PDE11A: variants seen among roughly 807,000 people sequenced by gnomAD.
PDE11A encodes phosphodiesterase 11A.
In PDE11A, 100 loss-of-function variants were observed where a neutral mutation model predicts 100.5. The observed-to-expected ratio is 1.00, with a 90% CI of 0.85 to 1.18. The LOEUF is 1.18. Ranked by LOEUF, PDE11A falls within the 50% of genes most tolerant of loss-of-function variation. The pLI is 0.00. For missense variants in PDE11A, 1,141 were observed against 1,152.6 expected, an observed-to-expected ratio of 0.99 and a Z score of 0.15; for synonymous variants, 381 against 420.8, an observed-to-expected ratio of 0.91 and a Z score of 1.16.
chr2:177,732,665 T>G (rs2081710344), intron 10 of PDE11A, among the ~76,000 whole-genome samples: 16 of 152,228 alleles, frequency 1.1e-4, no homozygotes, highest in Admixed American at 1.0e-3. Context: ...TTTTTCATTA[T>G]GAAGTGTTAA....
chr2:177,997,505 T>C (rs2086090575), intron 2 of PDE11A: 3 of 807,084 alleles, frequency 3.7e-6, no homozygotes, highest in Non-Finnish European at 4.5e-6. Flanking sequence ...AACATTGATA[T>C]TGTTTGTTGC....
intron 2 of PDE11A, among the ~76,000 whole-genome samples, chr2:177,928,039 G>A (rs1172032049): frequency 1.3e-5 from 2 of 150,146 alleles, no homozygotes; most frequent in African/African-American, 4.9e-5. Context: ...GGGAAGTGGA[G>A]GTTGTGGTGA....
intron 10 of PDE11A, among the ~76,000 whole-genome samples, chr2:177,754,870 T>A (rs2082070242): frequency 6.6e-6 from 1 of 152,246 alleles, no homozygotes; most frequent in Non-Finnish European, 1.5e-5. Context: ...CTAATTGAAT[T>A]CTAATGAGGC....
chr2:178,044,401 A>ATATATATATAAACTTTATATATATGTT (rs1559052622), intron 1 of PDE11A, among the ~76,000 whole-genome samples: 4 of 147,228 alleles, frequency 2.7e-5, no homozygotes, highest in Non-Finnish European at 4.5e-5. Context: ...TTATATGTTT[A>ATATATATATAAACTTTATATATATGTT]TATATATATA....
intron 15 of PDE11A, among the ~76,000 whole-genome samples, chr2:177,683,028 G>T (rs947749865): frequency 6.6e-6 from 1 of 152,160 alleles, no homozygotes; most frequent in East Asian, 1.9e-4. Flanking sequence ...CTGTACTGGG[G>T]GACAAAGGAC....
chr2:177,686,079 G>A (rs767701909), intron 15 of PDE11A, among the ~76,000 whole-genome samples: 1 of 152,188 alleles, frequency 6.6e-6, no homozygotes, highest in Non-Finnish European at 1.5e-5. Context: ...AGTGAGAGGA[G>A]CCTTTTCATT....
chr2:177,679,915 G>A (rs140127937), intron 16 of PDE11A, among the ~76,000 whole-genome samples: 87 of 152,174 alleles, frequency 5.7e-4, no homozygotes, highest in African/African-American at 1.9e-3. Context: ...AAAAAGGCCT[G>A]TAAAGATAAT....
intron 19 of PDE11A, among the ~76,000 whole-genome samples, chr2:177,661,014 T>C (rs1214192930): frequency 6.6e-6 from 1 of 152,126 alleles, no homozygotes; most frequent in Non-Finnish European, 1.5e-5. Flanking sequence ...CCACCCTCTG[T>C]AGACTCCAAC....
chr2:177,997,776 A>G (rs915308198), intron 2 of PDE11A: 1 of 1,346,016 alleles, frequency 7.4e-7, no homozygotes, highest in East Asian at 2.3e-5. Context: ...GTTCTTCATC[A>G]CCAGCATTCC....
chr2:177,929,058 G>A (rs1289562658), intron 2 of PDE11A, among the ~76,000 whole-genome samples: 1 of 152,148 alleles, frequency 6.6e-6, no homozygotes, highest in Non-Finnish European at 1.5e-5. Context: ...GGAGTTTGCA[G>A]GGGAACTTGA....
intron 2 of PDE11A, among the ~76,000 whole-genome samples, chr2:177,944,692 G>A (rs2085382588): frequency 6.6e-6 from 1 of 152,172 alleles, no homozygotes; most frequent in South Asian, 2.1e-4. Flanking sequence ...CAGGTACCTC[G>A]GCTTCCTCCC....
intron 5 of PDE11A, among the ~76,000 whole-genome samples, chr2:177,848,478 T>G (rs939970762): frequency 1.3e-5 from 2 of 152,192 alleles, no homozygotes; most frequent in African/African-American, 4.8e-5. Flanking sequence ...CTTGTTATTT[T>G]GCTAGAAAAA....
chr2:177,752,996 T>A (rs2082044186), intron 10 of PDE11A, among the ~76,000 whole-genome samples: 1 of 152,194 alleles, frequency 6.6e-6, no homozygotes, highest in Admixed American at 6.5e-5. Context: ...TTCCCTCCAT[T>A]TTGCTGCTCT....
chr2:177,869,892 T>C (rs940117209), intron 5 of PDE11A, among the ~76,000 whole-genome samples: 2 of 152,252 alleles, frequency 1.3e-5, no homozygotes, highest in Non-Finnish European at 2.9e-5. Context: ...CAGCATTTCC[T>C]ATTTGACTAA....
At chr2:177,662,690 A>G (rs1330589049) in intron 19 of PDE11A, among the ~76,000 whole-genome samples, 3 of 152,256 alleles carry the variant, frequency 2.0e-5, no homozygotes, top group African/African-American at 7.2e-5. Context: ...TGTTCCTTTT[A>G]TAACTAAAAT....
chr2:177,858,486 C>T (rs1258190039), intron 5 of PDE11A, among the ~76,000 whole-genome samples: 2 of 151,254 alleles, frequency 1.3e-5, no homozygotes, highest in Non-Finnish European at 2.9e-5. Context: ...CCAACAGACA[C>T]ATGAAAAAAT....
chr2:178,037,917 T>A (rs886136601), intron 1 of PDE11A, among the ~76,000 whole-genome samples: 4 of 151,762 alleles, frequency 2.6e-5, no homozygotes, highest in Admixed American at 1.3e-4. Context: ...AAATATCTAA[T>A]GCATGGGGGG....
chr2:177,732,994 C>T (rs2081716189), intron 10 of PDE11A, among the ~76,000 whole-genome samples: 1 of 152,196 alleles, frequency 6.6e-6, no homozygotes, highest in African/African-American at 2.4e-5. Context: ...GTATCCTGAG[C>T]AGACAAGCAT....
chr2:178,041,533 C>A (rs1156713742), intron 1 of PDE11A, among the ~76,000 whole-genome samples: 2 of 152,116 alleles, frequency 1.3e-5, no homozygotes, highest in Non-Finnish European at 2.9e-5. Context: ...AGCCATCGCA[C>A]CCGGCCAGAA....
Sources: allele counts gnomAD v4.1 joint callset (sites outside exome capture counted in the v4.1 genomes callset), GRCh38; gene constraint gnomAD v4.1.1; transcripts MANE v1.5; gene names NCBI Gene and HGNC (gene_info 2026-07-23, HGNC 2026-07-21).